The following SKOR1 variants were observed in gnomAD, a reference collection of about 807,000 sequenced individuals.
The protein encoded by SKOR1 is LBX1 corepressor 1.
A neutral mutation model predicts 72.4 loss-of-function variants in SKOR1; 38 were observed. That is an observed-to-expected ratio of 0.52 (90% CI 0.40 to 0.69). SKOR1 has a LOEUF of 0.69. SKOR1 is among the 30% of genes least tolerant of loss of function. SKOR1 has a pLI of 0.00. For missense variants in SKOR1, 1,320 were observed against 1,343.2 expected (o/e 0.98, Z 0.27); for synonymous variants, 642 against 599.4 (o/e 1.07, Z -1.04).
Position 67,826,773 on chromosome 15 carries a change from G to T in SKOR1, c.945G>T (p.Glu315Asp). The change falls in exon 2 of 9, where the codon GAG becomes GAT. Residue 315 changes from glutamate (E) to aspartate (D), a missense_variant. Glu to Asp is a conservative substitution (Grantham distance 45). Transcript: ENST00000380035. ...GCGGTGGCCCAGGGTGCGGTGCAGAGATGGCCCCAGGCCCGCCGCCCCACA... is the reference window on the plus strand; with the variant it reads ...GCGGTGGCCCAGGGTGCGGTGCAGATATGGCCCCAGGCCCGCCGCCCCACA... ...GGGGGPGCGA[E>D]MAPGPPPHKS... 1 of 1,534,190 alleles carries T rather than the reference G, an allele frequency of 6.5e-7. No homozygotes were observed. The highest frequency in any genetic ancestry group is 8.7e-7 in the Non-Finnish European group (1 of 1,144,978).
chr15:67,826,662 G>C lies in SKOR1; in HGVS notation c.834G>C (p.Arg278=). Residue 278 remains arginine, a synonymous_variant, in exon 2 of 9, where the codon CGG becomes CGC. Coordinates refer to ENST00000380035, the MANE Select transcript of SKOR1 (RefSeq NM_001365915.1). The part of the protein sequence containing the change: ...KAMFNGGTRK[R]TFSLQGGGGG... Reference sequence around the variant, plus strand: ...TGTTTAATGGCGGCACGCGCAAGCGGACCTTCTCCCTACAAGGAGGCGGCG... The same window carrying C: ...TGTTTAATGGCGGCACGCGCAAGCGCACCTTCTCCCTACAAGGAGGCGGCG... The C allele has an allele frequency of 1.2e-6, 2 of 1,603,120 alleles. No individual in the cohort carries two copies. Among genetic ancestry groups the C allele is most frequent in the Non-Finnish European group, 1.7e-6 (2 of 1,175,068 alleles).
rs913197900 is a variant in SKOR1, at chr15:67,832,168, C to A, written c.2588-106C>A. On this transcript the variant is annotated intron_variant, in intron 5 of 8. Transcript: ENST00000380035. This position sits in a 1 kb window ranked among gnomAD's most constrained non-coding sequence, Gnocchi z 4.5. ...GAGCGGAGGGCCTCCACCTACTGGT[C>A]ATCCTTCTCAACTCTCCTTTCAGGG... The A allele has an allele frequency of 2.2e-5, 22 of 993,990 alleles. No homozygotes were observed. The African/African-American group carries it at 2.9e-4, about 13-fold the overall frequency. 61.6% of individuals were successfully genotyped at this position (993,990 alleles called of 1,614,324 possible).
In SKOR1 at chr15:67,825,800, G is replaced by C. The variant is rs981929473; in HGVS notation, c.107+91G>C. Reference sequence around the variant, plus strand: ...TGAGTAACAAAAGACGCCTGTCCAGGGGGTGAATGAGTTTGGACTCCCCAC... The same window carrying C: ...TGAGTAACAAAAGACGCCTGTCCAGCGGGTGAATGAGTTTGGACTCCCCAC... On this transcript the variant is annotated intron_variant, in intron 1 of 8. Coordinates refer to ENST00000380035, the MANE Select transcript of SKOR1 (RefSeq NM_001365915.1). This position sits in a 1 kb window ranked among gnomAD's most constrained non-coding sequence, Gnocchi z 5.6. 4.0e-6 allele frequency: 6 copies of C among 1,501,068 alleles called. No individual in the cohort carries two copies. The African/African-American group carries it at 5.5e-5, about 14-fold the overall frequency. 93.0% of individuals were successfully genotyped at this position (1,501,068 alleles called of 1,614,324 possible).
intron 2 of SKOR1, 92 bp from the exon 3 acceptor site, chr15:67,829,087 G>A (rs927793672): frequency 1.7e-6 from 2 of 1,211,142 alleles, no homozygotes; most frequent in Non-Finnish European, 2.2e-6. Flanking sequence ...CCACTCCGTC[G>A]GCTTTCCCTC....
chr15:67,829,101 G>A lies in SKOR1; in HGVS notation c.2317-78G>A. On this transcript the variant is annotated intron_variant, in intron 2 of 8. Coordinates refer to ENST00000380035, the MANE Select transcript of SKOR1 (RefSeq NM_001365915.1). The stretch of plus-strand genomic sequence containing the variant: ...GCCACTCCGTCGGCTTTCCCTCTTG[G>A]CCGCGGGGTAGGGCTGGGCGTCTTT... The A allele has an allele frequency of 4.5e-6, 6 of 1,339,184 alleles. No homozygotes were observed. In the South Asian group the frequency reaches 7.4e-5, roughly 17 times the overall value. 83.0% of individuals were successfully genotyped at this position (1,339,184 alleles called of 1,614,324 possible).
At chr15:67,831,192 A>G (rs4776986) in intron 5 of SKOR1, among the ~76,000 whole-genome samples, 152,164 of 152,368 alleles carry the variant, frequency 1, 75,980 homozygotes, top group Middle Eastern at 1. Flanking sequence ...AATGAGTAAC[A>G]ATGATCAGAA....
At position 67,825,662 on chromosome 15, in the gene SKOR1, C is replaced by T. The variant is rs1374310181; in HGVS notation, c.60C>T (p.Ser20=). ...VTLRIWVSLP[S]QSENGIGFLA... ...TGCGTATCTGGGTTTCACTTCCTTC[C>T]CAATCCGAAAACGGGATTGGGTTCC... Residue 20 remains serine, a synonymous_variant, in exon 1 of 9, where the codon TCC becomes TCT. Coordinates refer to ENST00000380035, the MANE Select transcript of SKOR1 (RefSeq NM_001365915.1). The surrounding 1 kb of genome is among the most constrained non-coding windows in gnomAD (Gnocchi z 5.6). 2 of 723,108 alleles carry T rather than the reference C, an allele frequency of 2.8e-6. No individual in the cohort carries two copies. The highest frequency in any genetic ancestry group is 1.5e-5 in the South Asian group (1 of 67,750). 44.8% of individuals were successfully genotyped at this position (723,108 alleles called of 1,614,324 possible). A position where few individuals can be genotyped will look rare whatever the true frequency, so the allele number is the denominator to read the frequency against.
Position 67,829,244 on chromosome 15 carries a change from C to T in SKOR1, c.2382C>T (p.Ser794=). ...CGGTGGCGCTGGGGCCCGCGGCCTC[C>T]TACGTCTGCACCCCCGAGGCCCACG... ...SAAVALGPAA[S]YVCTPEAHEP... Residue 794 remains serine (S), a synonymous_variant, in exon 3 of 9, where the codon TCC becomes TCT. Transcript: ENST00000380035. 6.4e-7 allele frequency: 1 copy of T among 1,567,350 alleles called. No homozygotes were observed. The highest frequency in any genetic ancestry group is 8.6e-7 in the Non-Finnish European group (1 of 1,164,188).
rs1381499165 is a variant in SKOR1, at chr15:67,825,570, G to A, written c.-33G>A. The A allele has an allele frequency of 1.4e-6, 1 of 726,430 alleles. No homozygotes were observed. 45.0% of individuals were successfully genotyped at this position (726,430 alleles called of 1,614,324 possible). A position where few individuals can be genotyped will look rare whatever the true frequency, so the allele number is the denominator to read the frequency against. On this transcript the variant is annotated 5_prime_UTR_variant, in exon 1 of 9. Transcript: ENST00000380035. The surrounding 1 kb of genome is among the most constrained non-coding windows in gnomAD (Gnocchi z 5.6). Reference sequence around the variant, plus strand: ...GCTGCGAGGGTTGCCGAAGGCGCACGGATCTGGGCGCTGAAAAAGCCAGGA... The same window carrying A: ...GCTGCGAGGGTTGCCGAAGGCGCACAGATCTGGGCGCTGAAAAAGCCAGGA...
Position 67,826,354 on chromosome 15 carries a change from C to T in SKOR1, c.526C>T (p.Pro176Ser). The T allele has an allele frequency of 6.2e-7, 1 of 1,613,668 alleles. No individual in the cohort carries two copies. The highest frequency in any genetic ancestry group is 8.5e-7 in the Non-Finnish European group (1 of 1,179,924). Reference protein sequence around the residue: ...FLGEHKPPKLPENFAFDVVHE... With the variant: ...FLGEHKPPKLSENFAFDVVHE... ...GGGCGAGCACAAACCACCCAAGCTG[C>T]CCGAGAACTTCGCCTTCGATGTGGT... is the stretch of plus-strand genomic sequence containing the variant. Residue 176 changes from proline to serine, a missense_variant, in exon 2 of 9, where the codon CCC (proline) becomes TCC (serine). By Grantham distance (74) the Pro-to-Ser change is moderately conservative (BLOSUM62 -1). Coordinates refer to ENST00000380035, the MANE Select transcript of SKOR1 (RefSeq NM_001365915.1).
Position 67,825,740 on chromosome 15 carries a change from C to A in SKOR1, c.107+31C>A, listed in dbSNP as rs1444650694. On this transcript the variant is annotated intron_variant, in intron 1 of 8. Coordinates refer to ENST00000380035, the MANE Select transcript of SKOR1 (RefSeq NM_001365915.1). The surrounding 1 kb of genome is among the most constrained non-coding windows in gnomAD (Gnocchi z 5.6). ...CTTTACCCCTTCTCCTCCCCCAAGCCCCGGGGGCTGTTGTTAACGGCGCCA... is the reference window on the plus strand; with the variant it reads ...CTTTACCCCTTCTCCTCCCCCAAGCACCGGGGGCTGTTGTTAACGGCGCCA... 1.1e-6 allele frequency: 1 copy of A among 947,974 alleles called. No homozygotes were observed. Among genetic ancestry groups the A allele is most frequent in the Admixed American group, 2.0e-5 (1 of 50,370 alleles). 58.7% of individuals were successfully genotyped at this position (947,974 alleles called of 1,614,324 possible).
chr15:67,828,296 G>C, intron 2 of SKOR1, 152 bp downstream of exon 2: 1 of 1,319,834 alleles, frequency 7.6e-7, no homozygotes, highest in Non-Finnish European at 9.6e-7. Flanking sequence ...CCTTGGGCGC[G>C]CTGCGAAACT....
Position 67,832,162 on chromosome 15 carries a change from A to G in SKOR1, c.2588-112A>G, listed in dbSNP as rs1266842716. ...GCCAGAGAGCGGAGGGCCTCCACCT[A>G]CTGGTCATCCTTCTCAACTCTCCTT... On this transcript the variant is annotated intron_variant, in intron 5 of 8. Transcript: ENST00000380035. The surrounding 1 kb of genome is among the most constrained non-coding windows in gnomAD (Gnocchi z 4.5). 4 of 930,868 alleles carry G rather than the reference A, an allele frequency of 4.3e-6. No homozygotes were observed. The highest frequency in any genetic ancestry group is 6.9e-6 in the Non-Finnish European group (4 of 581,068). The allele number at this position is 930,868 out of a possible 1,614,324, so 57.7% of individuals were successfully genotyped here. A position where few individuals can be genotyped will look rare whatever the true frequency, so the allele number is the denominator to read the frequency against.
At chr15:67,830,101 A>G in intron 3 of SKOR1, 90 bp from the exon 4 acceptor site, 2 of 1,330,416 alleles carry the variant, frequency 1.5e-6, no homozygotes, top group South Asian at 2.4e-5. Context: ...GCTTTTAATT[A>G]GGGCTGGGGC....
rs532736778 is a variant in SKOR1, at chr15:67,833,008, C to T, written c.2738-184C>T. ...GGTTAGATCCATCTGCCTTTAAGCG[C>T]CATCCCAGGCCATTTCCTTCCTCCG... is the stretch of plus-strand genomic sequence containing the variant. On this transcript the variant is annotated intron_variant, in intron 7 of 8. Coordinates refer to ENST00000380035, the MANE Select transcript of SKOR1 (RefSeq NM_001365915.1). The surrounding 1 kb of genome is among the most constrained non-coding windows in gnomAD (Gnocchi z 6.0). 3 of 640,294 alleles carry T rather than the reference C, an allele frequency of 4.7e-6. No individual in the cohort carries two copies. The highest frequency in any genetic ancestry group is 8.1e-6 in the Non-Finnish European group (3 of 369,160). The allele number at this position is 640,294 out of a possible 1,614,324, so 39.7% of individuals were successfully genotyped here.
intron 2 of SKOR1, 122 bp downstream of exon 2, chr15:67,828,266 G>C (rs2090981350): frequency 2.2e-6 from 3 of 1,342,582 alleles, no homozygotes; most frequent in South Asian, 1.9e-5. Flanking sequence ...GCAGGCCTCG[G>C]CCACTCTCCG....
At position 67,826,421 on chromosome 15, in the gene SKOR1, C is replaced by A; in HGVS notation, c.593C>A (p.Ala198Glu). 2.5e-6 allele frequency: 4 copies of A among 1,614,048 alleles called. No individual in the cohort carries two copies. Among genetic ancestry groups the A allele is most frequent in the Admixed American group, 1.7e-5 (1 of 60,032 alleles). ...GGCTCGCGTGGTAGCTTCATCCCTG[C>A]GCGTTACAACAGCTCTCGTGCCAAG... The part of the protein sequence containing the change: ...AWGSRGSFIP[A>E]RYNSSRAKCI... The change falls in exon 2 of 9, where the codon GCG becomes GAG. Residue 198 changes from alanine to glutamate, a missense_variant. Coordinates refer to ENST00000380035, the MANE Select transcript of SKOR1 (RefSeq NM_001365915.1).
chr15:67,833,157 G>A lies in SKOR1; in HGVS notation c.2738-35G>A, dbSNP rs761524516. ...ACCCCGGCCTTTCGGAGGGTGGTCT[G>A]CGTTTCCTCACTGGCCCCTCCCCTT... On this transcript the variant is annotated intron_variant, in intron 7 of 8. Coordinates refer to ENST00000380035, the MANE Select transcript of SKOR1 (RefSeq NM_001365915.1). The surrounding 1 kb of genome is among the most constrained non-coding windows in gnomAD (Gnocchi z 6.0). The A allele has an allele frequency of 5.6e-6, 9 of 1,613,020 alleles. No homozygotes were observed. Among genetic ancestry groups the A allele is most frequent in the Non-Finnish European group, 5.9e-6 (7 of 1,179,398 alleles).
rs770721530 is a variant in SKOR1 at position 67,827,145 on chromosome 15, G to C, written c.1317G>C (p.Gly439=). 1.2e-5 allele frequency: 17 copies of C among 1,360,504 alleles called. No homozygotes were observed. In the African/African-American group the frequency reaches 2.0e-4, roughly 16 times the overall value. The allele number at this position is 1,360,504 out of a possible 1,614,324, so 84.3% of individuals were successfully genotyped here. The part of the protein sequence containing the change: ...GGGAGTGGGA[G]GPGASHLPPG... ...GCGCGGGGACAGGCGGGGGTGCGGG[G>C]GGCCCGGGAGCCAGCCACTTGCCCC... is the stretch of plus-strand genomic sequence containing the variant. The change falls in exon 2 of 9, where the codon GGG becomes GGC. Residue 439 remains glycine (G), a synonymous_variant. Coordinates refer to ENST00000380035, the MANE Select transcript of SKOR1 (RefSeq NM_001365915.1).
Sources: gnomAD v4.1 joint callset for allele counts (sites outside exome capture counted in the v4.1 genomes callset) on GRCh38, gnomAD v4.1.1 for gene constraint, Gnocchi (gnomAD v3.1) non-coding constraint, MANE v1.5 for transcripts, NCBI Gene and HGNC (gene_info 2026-07-23, HGNC 2026-07-21) for gene names.